Variants in CHRNA7 observed in about 807,000 individuals in gnomAD.
CHRNA7 encodes the protein neuronal acetylcholine receptor subunit alpha-7.
A neutral mutation model predicts 48.0 loss-of-function variants in CHRNA7; 17 were observed. The observed-to-expected ratio is 0.35, with a 90% CI of 0.24 to 0.53. The LOEUF is 0.53. CHRNA7 is among the 20% of genes least tolerant of loss of function. CHRNA7 has a pLI of 0.92. For missense variants in CHRNA7, 155 were observed against 577.7 expected, an observed-to-expected ratio of 0.27 and a Z score of 7.50; for synonymous variants, 75 against 242.3, an observed-to-expected ratio of 0.31 and a Z score of 6.41.
chr15:32,088,973 T>C (rs1280208709), intron 2 of CHRNA7, among the ~76,000 whole-genome samples: 1 of 152,208 alleles, frequency 6.6e-6, no homozygotes, highest in African/African-American at 2.4e-5. Context: ...CCTTTGCTGT[T>C]GTATGAAAAA....
chr15:32,057,147 G>GT (rs2049800995), intron 2 of CHRNA7, among the ~76,000 whole-genome samples: 1 of 152,200 alleles, frequency 6.6e-6, no homozygotes, highest in Non-Finnish European at 1.5e-5. Context: ...ATAGTCCTAA[G>GT]TTAGGTTTTG....
intron 2 of CHRNA7, among the ~76,000 whole-genome samples, chr15:32,083,319 C>T (rs577583294): frequency 6.6e-6 from 1 of 152,124 alleles, no homozygotes; most frequent in South Asian, 2.1e-4. Flanking sequence ...CTCTCTAGCC[C>T]TTCTGTCTTC....
At chr15:32,082,298 CCTT>C (rs1268065296) in intron 2 of CHRNA7, among the ~76,000 whole-genome samples, 3 of 151,564 alleles carry the variant, frequency 2.0e-5, no homozygotes, top group Admixed American at 6.6e-5. Context: ...TTCAACTCCA[CCTT>C]CTTCTTTTAT....
At chr15:32,157,557 C>T (rs1355453873) in intron 5 of CHRNA7, 51 bp from the exon 6 acceptor site, 4 of 628,800 alleles carry the variant, frequency 6.4e-6, no homozygotes, top group Non-Finnish European at 1.1e-5. Flanking sequence ...GTATTTTCAG[C>T]ACATCTCAGT....
intron 2 of CHRNA7, among the ~76,000 whole-genome samples, chr15:32,047,340 A>G: frequency 6.7e-6 from 1 of 150,042 alleles, no homozygotes; most frequent in Admixed American, 6.6e-5. Flanking sequence ...ATCCTCTTTT[A>G]TTTCATTGAG....
chr15:32,047,648 T>C (rs1444582860), intron 2 of CHRNA7, among the ~76,000 whole-genome samples: 1 of 152,136 alleles, frequency 6.6e-6, no homozygotes, highest in Non-Finnish European at 1.5e-5. Context: ...CTTTTCCTAA[T>C]TGAATACCCT....
chr15:32,077,998 A>C (rs572238833), intron 2 of CHRNA7, among the ~76,000 whole-genome samples: 1 of 152,138 alleles, frequency 6.6e-6, no homozygotes. Flanking sequence ...TTGGGGATCA[A>C]TTTTCCATAT....
intron 2 of CHRNA7, among the ~76,000 whole-genome samples, chr15:32,088,245 C>T (rs1437034301): frequency 6.6e-5 from 10 of 152,184 alleles, no homozygotes; most frequent in Non-Finnish European, 2.9e-5. Flanking sequence ...TAAGAATCAC[C>T]TATATCTTTC....
At chr15:32,034,701 A>G (rs1902000522) in intron 2 of CHRNA7, among the ~76,000 whole-genome samples, 1 of 152,182 alleles carries the variant, frequency 6.6e-6, no homozygotes, top group African/African-American at 2.4e-5. Context: ...AAACCATGAT[A>G]TTTGTATTAA....
chr15:32,035,616 C>G (rs1212121012), intron 2 of CHRNA7, among the ~76,000 whole-genome samples: 1 of 152,098 alleles, frequency 6.6e-6, no homozygotes, highest in Non-Finnish European at 1.5e-5. Context: ...TTGGGGGGCC[C>G]TCTGTGTAGG....
intron 2 of CHRNA7, among the ~76,000 whole-genome samples, chr15:32,044,449 TGTATTTTTA>T (rs2141175339): frequency 6.6e-6 from 1 of 152,266 alleles, no homozygotes; most frequent in Non-Finnish European, 1.5e-5. Context: ...GGCTAATTTT[TGTATTTTTA>T]GTAGAGACAG....
At chr15:32,070,156 A>G (rs538481128) in intron 2 of CHRNA7, among the ~76,000 whole-genome samples, 30 of 152,342 alleles carry the variant, frequency 2.0e-4, no homozygotes, top group Non-Finnish European at 2.6e-4. Context: ...TTGTACACTC[A>G]TGAAACCATT....
chr15:32,041,051 G>C (rs1027564457), intron 2 of CHRNA7, among the ~76,000 whole-genome samples: 3 of 151,852 alleles, frequency 2.0e-5, no homozygotes, highest in Non-Finnish European at 4.4e-5. Context: ...TAAAGGGAAG[G>C]GTTTTTTGTC....
chr15:32,073,263 G>T (rs904874050), intron 2 of CHRNA7, among the ~76,000 whole-genome samples: 7 of 152,230 alleles, frequency 4.6e-5, no homozygotes, highest in Non-Finnish European at 8.8e-5. Flanking sequence ...TGGCCCTGCT[G>T]GGTTTCAGAC....
At chr15:32,103,412 G>GAAAAAAAA in intron 3 of CHRNA7, 1 of 136,792 alleles carries the variant, frequency 7.3e-6, no homozygotes, top group Non-Finnish European at 1.5e-5. Context: ...TCAATCTCAA[G>GAAAAAAAA]AAAAAAAAAA....
At position 32,132,498 on chromosome 15, in the gene CHRNA7, C is replaced by A. The variant is rs73369048; in HGVS notation, c.350+20599C>A. ...GATTACTCAGGTCAGCCTGTCATAA[C>A]AAAATACCATAGACTGGGAGGCTTT... On this transcript the variant is annotated intron_variant, in intron 4 of 9. Coordinates refer to ENST00000306901, the MANE Select transcript of CHRNA7 (RefSeq NM_000746.6). Among the ~76,000 whole-genome samples the A allele has an allele frequency of 3.6e-3, 551 of 152,278 alleles. 4 individuals carry two copies. Among genetic ancestry groups the A allele is most frequent in the African/African-American group, 0.012 (512 of 41,546 alleles).
intron 4 of CHRNA7, among the ~76,000 whole-genome samples, chr15:32,134,656 T>C (rs991491248): frequency 2.6e-5 from 4 of 152,176 alleles, no homozygotes; most frequent in African/African-American, 9.7e-5. Context: ...TTCACAAACA[T>C]AGCAAAAGGC....
At chr15:32,050,585 G>C (rs953185679) in intron 2 of CHRNA7, among the ~76,000 whole-genome samples, 9 of 152,100 alleles carry the variant, frequency 5.9e-5, no homozygotes, top group Non-Finnish European at 1.2e-4. Flanking sequence ...TTTGCCTTTG[G>C]TTTGAATTTC....
At chr15:32,068,727 A>T (rs372770406) in intron 2 of CHRNA7, among the ~76,000 whole-genome samples, 3 of 149,438 alleles carry the variant, frequency 2.0e-5, no homozygotes, top group Non-Finnish European at 4.5e-5. Flanking sequence ...CATCTCGGGG[A>T]AAAAAAAAAA....
Sources: gnomAD v4.1 joint callset for allele counts (sites outside exome capture counted in the v4.1 genomes callset) on GRCh38, gnomAD v4.1.1 for gene constraint, MANE v1.5 for transcripts, NCBI Gene and HGNC (gene_info 2026-07-23, HGNC 2026-07-21) for gene names.